Variants in PLSCR2 observed in about 807,000 individuals in gnomAD.
PLSCR2 encodes PL scramblase 2.
A neutral mutation model predicts 25.3 loss-of-function variants in PLSCR2; 18 were observed. The ratio of observed to expected loss-of-function variants is 0.71; its 90% CI spans 0.49 to 1.06. The LOEUF is 1.06. Ranked by LOEUF, PLSCR2 falls within the 50% of genes least tolerant of loss-of-function variation. The probability of loss-of-function intolerance (pLI) is 0.00; values close to 1 mark genes in which losing one functional copy is unlikely to be tolerated. For missense variants in PLSCR2, 243 were observed against 269.5 expected (o/e 0.90, Z 0.69); for synonymous variants, 88 against 87.3 (o/e 1.01, Z -0.04).
At chr3:146,466,456 AC>A (rs1403863824) in intron 1 of PLSCR2, among the ~76,000 whole-genome samples, 2 of 152,204 alleles carry the variant, frequency 1.3e-5, no homozygotes, top group Admixed American at 6.5e-5. Flanking sequence ...GGTGTGGACC[AC>A]CACACCTGGC....
At chr3:146,419,037 C>T (rs541735131) in intron 2 of PLSCR2, among the ~76,000 whole-genome samples, 1 of 152,250 alleles carries the variant, frequency 6.6e-6, no homozygotes, top group East Asian at 1.9e-4. Flanking sequence ...CTTGTGCAAT[C>T]TGGATAAGAT....
chr3:146,456,370 G>A (rs2108374874), intron 3 of PLSCR2, among the ~76,000 whole-genome samples: 1 of 152,240 alleles, frequency 6.6e-6, no homozygotes, highest in Non-Finnish European at 1.5e-5. Context: ...TTCCTTAAGA[G>A]TCTACGGTGG....
upstream of PLSCR2, chr3:146,461,900 G>A: frequency 6.6e-7 from 1 of 1,509,294 alleles, no homozygotes; most frequent in Admixed American, 2.0e-5. Flanking sequence ...TTTCAGGAGT[G>A]CCCAGTACTG....
intron 8 of PLSCR2, among the ~76,000 whole-genome samples, chr3:146,435,542 G>A (rs575573194): frequency 3.0e-4 from 45 of 152,132 alleles, no homozygotes; most frequent in Admixed American, 9.8e-4. Context: ...GCATTTTTTC[G>A]TGTGTCTGTT....
chr3:146,454,940 T>TA (rs2041113084), intron 4 of PLSCR2, among the ~76,000 whole-genome samples: 1 of 152,148 alleles, frequency 6.6e-6, no homozygotes, highest in Non-Finnish European at 1.5e-5. Flanking sequence ...CCATGCCTCT[T>TA]ACAGTCATCT....
intron 3 of PLSCR2, 58 bp from the exon 4 acceptor site, chr3:146,455,517 G>A (rs2041165949): frequency 9.9e-7 from 1 of 1,013,334 alleles, no homozygotes; most frequent in Non-Finnish European, 1.5e-6. Context: ...CCTATCTTAA[G>A]ATATTATATC....
intron 6 of PLSCR2, among the ~76,000 whole-genome samples, chr3:146,443,104 C>T (rs1021057180): frequency 6.6e-6 from 1 of 151,878 alleles, no homozygotes; most frequent in Non-Finnish European, 1.5e-5. Context: ...CTTTTTGCTT[C>T]TCTGTGATAA....
intron 1 of PLSCR2, among the ~76,000 whole-genome samples, chr3:146,472,747 A>G (rs1305931694): frequency 1.3e-5 from 2 of 152,224 alleles, no homozygotes; most frequent in Non-Finnish European, 1.5e-5. Context: ...AGTGGACACA[A>G]ACATTCAGAC....
chr3:146,408,217 C>G (rs1183411559), intron 2 of PLSCR2, among the ~76,000 whole-genome samples: 1 of 152,150 alleles, frequency 6.6e-6, no homozygotes, highest in East Asian at 1.9e-4. Context: ...GATCCAGTCT[C>G]TTAGATAAAT....
intron 2 of PLSCR2, chr3:146,401,513 A>G (rs2038474233): frequency 6.6e-6 from 1 of 152,522 alleles, no homozygotes; most frequent in Non-Finnish European, 1.5e-5. Context: ...TCTGTCCTTG[A>G]TTGTTCAAGA....
At chr3:146,454,805 G>T (rs577433644) in intron 4 of PLSCR2, among the ~76,000 whole-genome samples, 1 of 152,242 alleles carries the variant, frequency 6.6e-6, no homozygotes, top group African/African-American at 2.4e-5. Context: ...TTCTAGGTTT[G>T]TCCCTTACTA....
intron 6 of PLSCR2, among the ~76,000 whole-genome samples, chr3:146,445,851 G>T (rs986668278): frequency 6.6e-6 from 1 of 151,176 alleles, no homozygotes; most frequent in African/African-American, 2.4e-5. Flanking sequence ...TTTTATTTTT[G>T]TCTCCTCTGT....
intron 1 of PLSCR2, among the ~76,000 whole-genome samples, chr3:146,492,018 T>A (rs2043569772): frequency 6.6e-6 from 1 of 152,152 alleles, no homozygotes; most frequent in African/African-American, 2.4e-5. Context: ...TGTTTTTGTA[T>A]CCTTTGATGC....
chr3:146,467,281 G>T (rs1437339724), intron 1 of PLSCR2, among the ~76,000 whole-genome samples: 1 of 152,104 alleles, frequency 6.6e-6, no homozygotes, highest in Non-Finnish European at 1.5e-5. Flanking sequence ...AAACTAACAA[G>T]TAAACCAAGG....
chr3:146,491,078 A>G (rs542399411), intron 1 of PLSCR2, among the ~76,000 whole-genome samples: 1 of 152,230 alleles, frequency 6.6e-6, no homozygotes, highest in South Asian at 2.1e-4. Flanking sequence ...TTGCCTAAAA[A>G]AGATATCATT....
chr3:146,450,554 T>C (rs1401575814), intron 5 of PLSCR2, among the ~76,000 whole-genome samples: 1 of 152,236 alleles, frequency 6.6e-6, no homozygotes, highest in Non-Finnish European at 1.5e-5. Context: ...AGCTGTAACA[T>C]GGGCAGTGAT....
chr3:146,441,664 T>C (rs1426320966), downstream of PLSCR2: 2 of 645,960 alleles, frequency 3.1e-6, no homozygotes, highest in South Asian at 3.8e-5. Flanking sequence ...CACACAGGTG[T>C]AAGTAATTTA....
intron 2 of PLSCR2, among the ~76,000 whole-genome samples, chr3:146,401,041 G>C (rs1373541204): frequency 1.3e-5 from 2 of 151,752 alleles, no homozygotes; most frequent in African/African-American, 4.8e-5. Flanking sequence ...TATAAATATA[G>C]AGTTTCTATA....
intron 2 of PLSCR2, among the ~76,000 whole-genome samples, chr3:146,428,141 C>T (rs35374128): frequency 0.48 from 73,252 of 151,886 alleles, 18,661 homozygotes; most frequent in South Asian, 0.7. Flanking sequence ...TTAGCTTGTA[C>T]GTGGTAGATC....
Sources: gnomAD v4.1 joint callset for allele counts (sites outside exome capture counted in the v4.1 genomes callset) on GRCh38, gnomAD v4.1.1 for gene constraint, MANE v1.5 for transcripts, NCBI Gene and HGNC (gene_info 2026-07-23, HGNC 2026-07-21) for gene names.